The following FASTKD1 variants were observed in gnomAD, a reference collection of about 807,000 sequenced individuals.
FASTKD1 encodes the protein FAST kinase domain-containing protein 1, mitochondrial.
FASTKD1 carries 94 observed loss-of-function variants against 90.9 expected under a neutral mutation model. That is an observed-to-expected ratio of 1.03 (90% confidence interval 0.88 to 1.23). The LOEUF is 1.23. Among genes scored for constraint, FASTKD1 ranks in the 50% most tolerant of loss-of-function variants. The probability of loss-of-function intolerance (pLI) is 0.00; values close to 1 mark genes in which losing one functional copy is unlikely to be tolerated. For missense variants in FASTKD1, 945 were observed against 993.5 expected (o/e 0.95, Z 0.66); for synonymous variants, 319 against 345.8 (o/e 0.92, Z 0.86).
In FASTKD1 at chr2:169,557,182, G is replaced by C. The variant is rs760475361; in HGVS notation, c.1082+5C>G. 6.4e-7 allele frequency: 1 copy of C among 1,567,324 alleles called. No homozygotes were observed. The highest frequency in any genetic ancestry group is 1.7e-5 in the Admixed American group (1 of 59,524). On this transcript the variant is annotated splice_donor_5th_base_variant and intron_variant, in intron 6 of 14. Transcript: ENST00000453153. ...ACTTAACGTCGTAAATTTCAGAAAA[G>C]ATACCTTTTAATCAGACATGAGTTT... is the stretch of plus-strand genomic sequence containing the variant.
chr2:169,557,121 C>T, intron 6 of FASTKD1, 66 bp downstream of exon 6: 3 of 1,017,974 alleles, frequency 2.9e-6, no homozygotes, highest in African/African-American at 1.6e-5. Context: ...AACCATTTTT[C>T]CTTAGAAAAA....
chr2:169,553,271 CAAA>C (rs374454211), intron 7 of FASTKD1, among the ~76,000 whole-genome samples: 6 of 79,212 alleles, frequency 7.6e-5, no homozygotes, highest in African/African-American at 1.5e-4. Flanking sequence ...TAAAAGCATG[CAAA>C]AAAAAAAAAA....
Position 169,529,622 on chromosome 2 carries a change from G to C in FASTKD1, c.*203C>G. On this transcript the variant is annotated 3_prime_UTR_variant, in exon 15 of 15. Transcript: ENST00000453153. ...TAGCCAAGAGGTTGTATTTGACTCT[G>C]TTATCTCTTATCTTTTCTCTTATAC... is the stretch of plus-strand genomic sequence containing the variant. The C allele has an allele frequency of 2.1e-6, 1 of 478,722 alleles. No homozygotes were observed. The highest frequency in any genetic ancestry group is 3.7e-6 in the Non-Finnish European group (1 of 267,298). The allele number at this position is 478,722 out of a possible 1,614,324, so 29.7% of individuals were successfully genotyped here. A position where few individuals can be genotyped will look rare whatever the true frequency, so the allele number is the denominator to read the frequency against.
rs1271501383 is a variant in FASTKD1, at chr2:169,571,667, T to C, written c.363A>G (p.Leu121=). The change falls in exon 2 of 15, where the codon TTA becomes TTG. Residue 121 remains leucine, a synonymous_variant. Transcript: ENST00000453153. The stretch of plus-strand genomic sequence containing the variant: ...AAATTACTTACTGTTGTGTGACGTA[T>C]AACACATTCACCAGGGTATCGTCAT... The part of the protein sequence containing the change: ...LMNDDTLVNV[L]YVTQQFAGEA... The C allele has an allele frequency of 1.9e-6, 3 of 1,597,022 alleles. No individual in the cohort carries two copies. The highest frequency in any genetic ancestry group is 2.7e-5 in the African/African-American group (2 of 74,486).
At chr2:169,537,979 A>G in intron 11 of FASTKD1, 34 bp downstream of exon 11, 1 of 1,567,996 alleles carries the variant, frequency 6.4e-7, no homozygotes, top group Non-Finnish European at 8.6e-7. Flanking sequence ...CTTTAGAATC[A>G]AACTTTGCTA....
Position 169,537,257 on chromosome 2 carries a change from A to G in FASTKD1, c.2158T>C (p.Ser720Pro). Reference protein sequence around the residue: ...VLGGINCVKASVLTPYYHKVD... With the variant: ...VLGGINCVKAPVLTPYYHKVD... ...TTGTGGTAATAAGGCGTAAGAACCGAGGCTTTTACACAATTGATTCCTCCT... is the reference window on the plus strand; with the variant it reads ...TTGTGGTAATAAGGCGTAAGAACCGGGGCTTTTACACAATTGATTCCTCCT... Residue 720 changes from serine (S) to proline (P), a missense_variant, in exon 12 of 15, where the codon TCG becomes CCG. Transcript: ENST00000453153. 1 of 1,612,446 alleles carries G rather than the reference A, an allele frequency of 6.2e-7. No homozygotes were observed. The highest frequency in any genetic ancestry group is 8.5e-7 in the Non-Finnish European group (1 of 1,178,666).
rs1683243345 is a variant in FASTKD1, at chr2:169,555,182, T to C, written c.1156A>G (p.Thr386Ala). 6.2e-7 allele frequency: 1 copy of C among 1,612,738 alleles called. No homozygotes were observed. The change falls in exon 7 of 15, where the codon ACT becomes GCT. Residue 386 changes from threonine to alanine, a missense_variant. Physicochemically the swap from Thr to Ala is moderately conservative, Grantham distance 58. Coordinates refer to ENST00000453153, the MANE Select transcript of FASTKD1 (RefSeq NM_024622.6). ...TCCTTCCTTTGGAAATGCAGAAAAG[T>C]TAATTCTTGAGTTATCTTCAACAAC... ...LELLKITQEL[T>A]FLHFQRKEFF...
rs1685187009 is a variant in FASTKD1 at position 169,546,262 on chromosome 2, G to C, written c.1657C>G (p.Leu553Val). Residue 553 changes from leucine (L) to valine (V), a missense_variant, in exon 8 of 15, where the codon CTA becomes GTA. Transcript: ENST00000453153. ...ISSTDYLSTL[L>V]LDRIASVAVQ... ...GCCACTGAGGCTATCCTATCTAGTA[G>C]CAAAGTACTGAGGTAATCAGTACTA... 6.2e-7 allele frequency: 1 copy of C among 1,608,656 alleles called. No individual in the cohort carries two copies.
In FASTKD1 at chr2:169,560,604, ATCTT is replaced by A; in HGVS notation, c.750_753del (p.Glu250AspfsTer7). 6.2e-7 allele frequency: 1 copy of A among 1,610,196 alleles called. No homozygotes were observed. The highest frequency in any genetic ancestry group is 8.5e-7 in the Non-Finnish European group (1 of 1,178,672). ...ACATTACTTAAAAATACGTTATTAC[ATCTT>A]TCTAATAGTGGTTGATAACGATATC... On this transcript the variant is annotated frameshift_variant, in exon 5 of 15. Coordinates refer to ENST00000453153, the MANE Select transcript of FASTKD1 (RefSeq NM_024622.6). LOFTEE classifies it high-confidence loss of function.
chr2:169,567,454 T>C (rs544558534), intron 3 of FASTKD1, among the ~76,000 whole-genome samples: 3 of 152,240 alleles, frequency 2.0e-5, no homozygotes, highest in South Asian at 4.2e-4. Flanking sequence ...AATATACTTA[T>C]AGGTAGAGAG....
intron 9 of FASTKD1, among the ~76,000 whole-genome samples, chr2:169,543,623 C>T (rs539369184): frequency 6.6e-6 from 1 of 152,294 alleles, no homozygotes; most frequent in Non-Finnish European, 1.5e-5. Flanking sequence ...ACAGAGCTGA[C>T]AACTGGAAGG....
At chr2:169,560,808 A>C (rs190753326) in intron 4 of FASTKD1, 23 bp from the exon 5 acceptor site, 1 of 1,417,938 alleles carries the variant, frequency 7.1e-7, no homozygotes, top group Non-Finnish European at 9.4e-7. Flanking sequence ...AAAGATGCAA[A>C]GATTTTTACA....
chr2:169,544,651 TCTC>T, intron 9 of FASTKD1, 67 bp downstream of exon 9: 2 of 835,642 alleles, frequency 2.4e-6, no homozygotes, highest in Non-Finnish European at 4.0e-6. Flanking sequence ...ATGAGGGACA[TCTC>T]CTAGCTCAGC....
intron 3 of FASTKD1, among the ~76,000 whole-genome samples, chr2:169,565,842 C>A (rs556649750): frequency 6.6e-6 from 1 of 152,308 alleles, no homozygotes; most frequent in Non-Finnish European, 1.5e-5. Flanking sequence ...CACATCCTTG[C>A]CAGCATTTGT....
intron 12 of FASTKD1, 44 bp downstream of exon 12, chr2:169,537,183 G>C: frequency 8.6e-7 from 1 of 1,162,116 alleles, no homozygotes; most frequent in Non-Finnish European, 1.3e-6. Context: ...ATTCAAATTA[G>C]TTTGATTTTC....
intron 8 of FASTKD1, among the ~76,000 whole-genome samples, chr2:169,545,201 A>G (rs1685136305): frequency 6.6e-6 from 1 of 152,194 alleles, no homozygotes; most frequent in South Asian, 2.1e-4. Context: ...TCAGGGCAAC[A>G]TAGTGAGACC....
chr2:169,548,890 C>T (rs1435123892), intron 7 of FASTKD1, among the ~76,000 whole-genome samples: 14 of 151,584 alleles, frequency 9.2e-5, no homozygotes, highest in Admixed American at 2.6e-4. Flanking sequence ...GTCAGGAGAT[C>T]GAGACCATTC....
Position 169,546,468 on chromosome 2 carries a change from T to C in FASTKD1, c.1451A>G (p.Asp484Gly). 2.5e-6 allele frequency: 4 copies of C among 1,614,176 alleles called. No homozygotes were observed. Among genetic ancestry groups the C allele is most frequent in the Non-Finnish European group, 3.4e-6 (4 of 1,180,032 alleles). Reference sequence around the variant, plus strand: ...TTGTAGTCTCTGACGACCATAGTGATCTAATTTTTGAAGTAGTTTCAGTTG... The same window carrying C: ...TTGTAGTCTCTGACGACCATAGTGACCTAATTTTTGAAGTAGTTTCAGTTG... ...AKQLKLLQKLDHYGRQRLQHS... is the reference protein window; with the variant it reads ...AKQLKLLQKLGHYGRQRLQHS... Residue 484 changes from aspartate to glycine, a missense_variant, in exon 8 of 15, where the codon GAT becomes GGT. By Grantham distance (94) the Asp-to-Gly change is moderately conservative. Coordinates refer to ENST00000453153, the MANE Select transcript of FASTKD1 (RefSeq NM_024622.6).
chr2:169,532,521 T>TA (rs201862004), intron 12 of FASTKD1, among the ~76,000 whole-genome samples: 49 of 145,466 alleles, frequency 3.4e-4, no homozygotes, highest in Admixed American at 4.1e-4. Flanking sequence ...AAGAAAAACC[T>TA]AAAAAAAAAA....
Sources: allele counts gnomAD v4.1 joint callset (sites outside exome capture counted in the v4.1 genomes callset), GRCh38; gene constraint gnomAD v4.1.1; transcripts MANE v1.5; gene names NCBI Gene and HGNC (gene_info 2026-07-23, HGNC 2026-07-21).